MSRA: variants seen among roughly 807,000 people sequenced by gnomAD.
MSRA encodes the protein methionine sulfoxide reductase A, also known as mitochondrial peptide methionine sulfoxide reductase.
Under a neutral mutation model 31.3 loss-of-function variants are expected in MSRA, and 54 were observed. The ratio of observed to expected loss-of-function variants is 1.73; its 90% CI spans 1.39 to 2.17. The LOEUF is 2.17. MSRA is among the 30% of genes most tolerant of loss of function. The pLI is 0.00. For missense variants in MSRA, 507 were observed against 300.9 expected (o/e 1.69, Z -5.07); for synonymous variants, 169 against 116.5 (o/e 1.45, Z -2.90).
At chr8:10,175,005 C>T (rs1805919811) in intron 1 of MSRA, among the ~76,000 whole-genome samples, 1 of 152,172 alleles carries the variant, frequency 6.6e-6, no homozygotes. Context: ...TTCCTATAGC[C>T]CCTGACGTTC....
At chr8:10,207,968 TAGCAAGTGTTCTC>T (rs1809147974) in intron 2 of MSRA, 67 bp downstream of exon 2, 1 of 1,335,280 alleles carries the variant, frequency 7.5e-7, no homozygotes, top group Non-Finnish European at 1.0e-6. Context: ...TTCTTAGTTT[TAGCAAGTGTTCTC>T]AGGGCTTCAA....
intron 3 of MSRA, 53 bp downstream of exon 3, chr8:10,245,276 C>T: frequency 6.4e-7 from 1 of 1,553,944 alleles, no homozygotes; most frequent in Non-Finnish European, 8.8e-7. Flanking sequence ...GAGGGCTTGT[C>T]ACTACTGTTG....
intron 2 of MSRA, among the ~76,000 whole-genome samples, chr8:10,244,282 A>C (rs1201357907): frequency 6.6e-6 from 1 of 152,232 alleles, no homozygotes; most frequent in East Asian, 1.9e-4. Flanking sequence ...CTTATGGTAC[A>C]AAATGAAGGT....
At chr8:10,177,710 G>A (rs140042518) in intron 1 of MSRA, among the ~76,000 whole-genome samples, 230 of 152,264 alleles carry the variant, frequency 1.5e-3, no homozygotes, top group African/African-American at 4.7e-3. Flanking sequence ...ATTTGTTGGC[G>A]TTTTATTTAT....
rs71203303 is a variant in MSRA at position 10,067,874 on chromosome 8, G to GT, written c.142+13244dup. On this transcript the variant is annotated intron_variant, in intron 1 of 5. Coordinates refer to ENST00000317173, the MANE Select transcript of MSRA (RefSeq NM_012331.5). ...TTCAGTTGGGTTGTTTTCTTACTGA[G>GT]TTTTTTTTTTTTTTTTTTTTTTTTT... 1.0e-3 allele frequency among the ~76,000 whole-genome samples: 51 copies of GT among 49,420 alleles called. 4 individuals are homozygous for GT. The highest frequency in any genetic ancestry group is 2.8e-3 in the South Asian group (2 of 718). 32.4% of individuals were successfully genotyped at this position (49,420 alleles called of 152,430 possible). A position where few individuals can be genotyped will look rare whatever the true frequency, so the allele number is the denominator to read the frequency against.
At chr8:10,315,614 C>A (rs1421912421) in intron 4 of MSRA, among the ~76,000 whole-genome samples, 1 of 152,168 alleles carries the variant, frequency 6.6e-6, no homozygotes, top group Non-Finnish European at 1.5e-5. Context: ...GAACACTATC[C>A]ATGATGGACT....
intron 1 of MSRA, among the ~76,000 whole-genome samples, chr8:10,098,712 G>C (rs1799337181): frequency 2.0e-5 from 3 of 152,288 alleles, no homozygotes; most frequent in South Asian, 2.1e-4. Context: ...TAAGAATCTT[G>C]TTTTATGACT....
intron 1 of MSRA, among the ~76,000 whole-genome samples, chr8:10,134,195 G>A (rs1802098396): frequency 2.0e-5 from 3 of 152,082 alleles, no homozygotes; most frequent in East Asian, 1.9e-4. Context: ...CGTGCCATCC[G>A]ACCTCCTGTG....
At chr8:10,192,952 A>G (rs1337210781) in intron 1 of MSRA, among the ~76,000 whole-genome samples, 1 of 152,206 alleles carries the variant, frequency 6.6e-6, no homozygotes, top group Non-Finnish European at 1.5e-5. Flanking sequence ...GGGTTTGCCC[A>G]TATTATATTA....
chr8:10,063,695 C>T (rs1242797724), intron 1 of MSRA, among the ~76,000 whole-genome samples: 2 of 152,174 alleles, frequency 1.3e-5, no homozygotes, highest in Non-Finnish European at 2.9e-5. Context: ...CATGTGAGGA[C>T]ATGGTGAGAA....
intron 5 of MSRA, among the ~76,000 whole-genome samples, chr8:10,393,697 T>C (rs1281609066): frequency 6.6e-6 from 1 of 152,204 alleles, no homozygotes; most frequent in African/African-American, 2.4e-5. Flanking sequence ...TTGTATAGTT[T>C]ATGACCTGCA....
chr8:10,107,492 T>G (rs1433880390), intron 1 of MSRA, among the ~76,000 whole-genome samples: 1 of 152,220 alleles, frequency 6.6e-6, no homozygotes, highest in Non-Finnish European at 1.5e-5. Context: ...TCTGTGCGTC[T>G]CTGACTCAGA....
intron 1 of MSRA, among the ~76,000 whole-genome samples, chr8:10,121,478 T>C (rs1457357730): frequency 6.6e-6 from 1 of 152,102 alleles, no homozygotes; most frequent in Admixed American, 6.6e-5. Context: ...CGATCCAGGA[T>C]GGGGATTTTG....
intron 1 of MSRA, among the ~76,000 whole-genome samples, chr8:10,089,979 A>C (rs990997411): frequency 6.6e-6 from 1 of 152,204 alleles, no homozygotes; most frequent in East Asian, 1.9e-4. Context: ...GTGGGTATCA[A>C]ATTTCAACAT....
intron 2 of MSRA, among the ~76,000 whole-genome samples, chr8:10,211,459 G>A (rs892903810): frequency 2.0e-5 from 3 of 152,108 alleles, no homozygotes; most frequent in Non-Finnish European, 4.4e-5. Flanking sequence ...CCTCCTTGGG[G>A]GCTTCTCCTA....
intron 1 of MSRA, among the ~76,000 whole-genome samples, chr8:10,181,178 G>C (rs529248239): frequency 8.7e-4 from 133 of 152,318 alleles, no homozygotes; most frequent in African/African-American, 3.2e-3. Context: ...TATAATTTCA[G>C]ATAGTGCTAC....
At chr8:10,212,772 T>C (rs1809621695) in intron 2 of MSRA, among the ~76,000 whole-genome samples, 1 of 152,218 alleles carries the variant, frequency 6.6e-6, no homozygotes, top group African/African-American at 2.4e-5. Context: ...GGTGGGGCTA[T>C]GTAGCCTTTA....
chr8:10,221,323 C>G (rs1413913164), intron 2 of MSRA, among the ~76,000 whole-genome samples: 1 of 152,114 alleles, frequency 6.6e-6, no homozygotes, highest in Non-Finnish European at 1.5e-5. Flanking sequence ...CCATGTAAGA[C>G]ATTTTTAATC....
intron 2 of MSRA, among the ~76,000 whole-genome samples, chr8:10,239,572 T>C (rs1812232498): frequency 2.0e-5 from 3 of 152,228 alleles, no homozygotes; most frequent in African/African-American, 7.2e-5. Flanking sequence ...TATAGGACGA[T>C]TGTACCTGGC....
Sources: gnomAD v4.1 joint callset for allele counts (sites outside exome capture counted in the v4.1 genomes callset) on GRCh38, gnomAD v4.1.1 for gene constraint, MANE v1.5 for transcripts, NCBI Gene and HGNC (gene_info 2026-07-23, HGNC 2026-07-21) for gene names.